The following ACVR1 variants were observed in gnomAD, a reference collection of about 807,000 sequenced individuals.
ACVR1 encodes activin A receptor type 1.
In ACVR1, 38 loss-of-function variants were observed where a neutral mutation model predicts 57.1. That is an observed-to-expected ratio of 0.67 (90% CI 0.51 to 0.87). The LOEUF (loss-of-function observed/expected upper bound fraction) is 0.87, where lower values mean the gene tolerates loss of function less well. ACVR1 is among the 40% of genes least tolerant of loss of function. The pLI, the probability that ACVR1 is intolerant of heterozygous loss-of-function variation, is 0.00. For synonymous variants in ACVR1, 212 were observed against 228.1 expected, an observed-to-expected ratio of 0.93 and a Z score of 0.63; for missense variants, 463 against 638.2, an observed-to-expected ratio of 0.73 and a Z score of 2.96.
At chr2:157,761,952 T>C (rs1333447211) in intron 8 of ACVR1, among the ~76,000 whole-genome samples, 1 of 152,220 alleles carries the variant, frequency 6.6e-6, no homozygotes, top group Non-Finnish European at 1.5e-5. Flanking sequence ...TCAAGCCATC[T>C]ACAGAGAATG....
intron 2 of ACVR1, among the ~76,000 whole-genome samples, chr2:157,812,496 C>CA (rs1169204975): frequency 1.3e-5 from 2 of 151,418 alleles, no homozygotes; most frequent in Admixed American, 6.6e-5. Context: ...ATGGTGATCA[C>CA]AAAAAAAATT....
Position 157,812,544 on chromosome 2 carries a change from G to A in ACVR1, c.-8+5841C>T, listed in dbSNP as rs985405135. On this transcript the variant is annotated intron_variant, in intron 2 of 10. Coordinates refer to ENST00000434821, the MANE Select transcript of ACVR1 (RefSeq NM_001111067.4). ...AACTAAACTATGTATGCTTCTTTTC[G>A]TGTTTTATTTTACATTAAAAAAGGT... Among the ~76,000 whole-genome samples the A allele has an allele frequency of 5.9e-5, 9 of 152,102 alleles. No homozygotes were observed. The South Asian group carries it at 6.2e-4, about 11-fold the overall frequency.
chr2:157,841,847 C>T lies in ACVR1; in HGVS notation c.-182-23288G>A, dbSNP rs574533227. The stretch of plus-strand genomic sequence containing the variant: ...GATCATCCTGGCTAACACAGTGAAA[C>T]CCCATCTGTATGAAAAATATTTTTA... On this transcript the variant is annotated intron_variant, in intron 1 of 10. Coordinates refer to ENST00000434821, the MANE Select transcript of ACVR1 (RefSeq NM_001111067.4). Among the ~76,000 whole-genome samples the T allele has an allele frequency of 7.9e-5, 12 of 152,070 alleles. No homozygotes were observed. The South Asian group carries it at 2.5e-3, about 32-fold the overall frequency.
chr2:157,872,519 A>G (rs929198671), intron 1 of ACVR1, among the ~76,000 whole-genome samples: 6 of 152,190 alleles, frequency 3.9e-5, no homozygotes, highest in Admixed American at 1.3e-4. Context: ...AGCCCACACT[A>G]TTTAGTTGCA....
chr2:157,825,487 G>T (rs1688312465), intron 1 of ACVR1, among the ~76,000 whole-genome samples: 1 of 152,110 alleles, frequency 6.6e-6, no homozygotes, highest in Admixed American at 6.5e-5. Flanking sequence ...GAGGTAAGGG[G>T]CTGGCAAGTG....
intron 10 of ACVR1, among the ~76,000 whole-genome samples, chr2:157,737,909 T>C (rs1192210349): frequency 6.6e-6 from 1 of 152,192 alleles, no homozygotes; most frequent in Non-Finnish European, 1.5e-5. Flanking sequence ...GTAAACGACA[T>C]AGGCCAGATT....
At chr2:157,800,467 G>C (rs1322747317) in intron 2 of ACVR1, among the ~76,000 whole-genome samples, 1 of 141,594 alleles carries the variant, frequency 7.1e-6, no homozygotes, top group Non-Finnish European at 1.5e-5. Context: ...ATCTCTATTT[G>C]TTTTTAATTA....
chr2:157,865,330 T>C (rs1345086980), intron 1 of ACVR1, among the ~76,000 whole-genome samples: 1 of 152,216 alleles, frequency 6.6e-6, no homozygotes, highest in East Asian at 1.9e-4. Context: ...TTAAGGGTCA[T>C]CCTCTCGTTA....
chr2:157,771,607 C>T (rs1256939803), intron 6 of ACVR1, among the ~76,000 whole-genome samples: 1 of 152,182 alleles, frequency 6.6e-6, no homozygotes, highest in East Asian at 1.9e-4. Context: ...GCAGCACCAC[C>T]TGCATATACA....
chr2:157,761,000 T>G lies in ACVR1; in HGVS notation c.1144A>C (p.Met382Leu). Reference protein sequence around the residue: ...NNPRVGTKRYMAPEVLDETIQ... With the variant: ...NNPRVGTKRYLAPEVLDETIQ... ...GTTTCATCTAGAACTTCGGGGGCCATGTAGCGCTTGGTGCCCACACGGGGA... is the reference window on the plus strand; with the variant it reads ...GTTTCATCTAGAACTTCGGGGGCCAGGTAGCGCTTGGTGCCCACACGGGGA... The change falls in exon 9 of 11, where the codon ATG becomes CTG. Residue 382 changes from methionine to leucine, a missense_variant. This residue lies in a region of ACVR1 where 146 missense variants were observed against 186.6 expected (regional missense o/e 0.78). Transcript: ENST00000434821. The G allele has an allele frequency of 1.2e-6, 2 of 1,614,076 alleles. No homozygotes were observed. Among genetic ancestry groups the G allele is most frequent in the Non-Finnish European group, 1.7e-6 (2 of 1,179,998 alleles).
chr2:157,821,525 AAAAAAAATAAAAAAT>A (rs954487207), intron 1 of ACVR1, among the ~76,000 whole-genome samples: 2 of 151,932 alleles, frequency 1.3e-5, no homozygotes, highest in South Asian at 4.2e-4. Context: ...GAATTTGTCT[AAAAAAAATAAAAAAT>A]AAAAAAATAA....
chr2:157,857,924 T>C (rs9917353), intron 1 of ACVR1, among the ~76,000 whole-genome samples: 7,163 of 152,198 alleles, frequency 0.047, 257 homozygotes, highest in African/African-American at 0.094. Flanking sequence ...TGTAATTTTT[T>C]CTTCCTTGTT....
intron 5 of ACVR1, among the ~76,000 whole-genome samples, chr2:157,777,894 T>C (rs1319266689): frequency 1.3e-5 from 2 of 152,168 alleles, no homozygotes; most frequent in Non-Finnish European, 2.9e-5. Flanking sequence ...AGTAACTAAC[T>C]ACCAACACTA....
At chr2:157,760,832 T>C (rs374572831) in intron 9 of ACVR1, 48 bp downstream of exon 9, 1 of 1,576,978 alleles carries the variant, frequency 6.3e-7, no homozygotes, top group Non-Finnish European at 8.7e-7. Context: ...GGTAGCTGGA[T>C]CAAGAGAACT....
chr2:157,815,521 G>GA, intron 2 of ACVR1, among the ~76,000 whole-genome samples: 1 of 152,278 alleles, frequency 6.6e-6, no homozygotes, highest in African/African-American at 2.4e-5. Flanking sequence ...GGAAACTACT[G>GA]AGCTGAACAA....
At chr2:157,798,901 A>C (rs1353910205) in intron 3 of ACVR1, among the ~76,000 whole-genome samples, 1 of 150,904 alleles carries the variant, frequency 6.6e-6, no homozygotes, top group African/African-American at 2.4e-5. Flanking sequence ...ATTTTTATTT[A>C]TTTATTTATT....
rs181778287 is a variant in ACVR1, at chr2:157,871,088, T to C, written c.-183+4708A>G. ...ACAAAAGATGAATAAGACAGTCCCT[T>C]GCCTCAAGGAGCCCAGGGAGAGAAT... On this transcript the variant is annotated intron_variant, in intron 1 of 10. Transcript: ENST00000434821. Among the ~76,000 whole-genome samples the C allele has an allele frequency of 5.1e-3, 774 of 152,344 alleles. 4 individuals are homozygous for C. The highest frequency in any genetic ancestry group is 0.022 in the South Asian group (106 of 4,826).
intron 9 of ACVR1, among the ~76,000 whole-genome samples, chr2:157,754,333 A>C (rs1004678239): frequency 6.6e-6 from 1 of 152,248 alleles, no homozygotes; most frequent in African/African-American, 2.4e-5. Flanking sequence ...TTCTCTGAAA[A>C]GATAAATAAA....
intron 1 of ACVR1, among the ~76,000 whole-genome samples, chr2:157,842,552 C>T (rs1200674360): frequency 6.6e-6 from 1 of 152,142 alleles, no homozygotes; most frequent in Non-Finnish European, 1.5e-5. Flanking sequence ...CCCTGTATCT[C>T]CCGCTGTCAG....
Sources: allele counts gnomAD v4.1 joint callset (sites outside exome capture counted in the v4.1 genomes callset), GRCh38; gene constraint gnomAD v4.1.1; regional missense constraint gnomAD v4.1.1; transcripts MANE v1.5; gene names NCBI Gene and HGNC (gene_info 2026-07-23, HGNC 2026-07-21).